Variants in ABL1 observed in about 807,000 individuals in gnomAD.
ABL1 encodes the protein ABL proto-oncogene 1, non-receptor tyrosine kinase, also known as tyrosine-protein kinase ABL1.
ABL1 carries 11 observed loss-of-function variants against 94.7 expected under a neutral mutation model. The ratio of observed to expected loss-of-function variants is 0.12; its 90% confidence interval spans 0.07 to 0.19. The LOEUF (loss-of-function observed/expected upper bound fraction) is 0.19, where lower values mean the gene tolerates loss of function less well. Ranked by LOEUF, ABL1 falls within the 10% of genes least tolerant of loss-of-function variation. The pLI is 1.00. For missense variants in ABL1, 1,082 were observed against 1,489.4 expected (o/e 0.73, Z 4.50); for synonymous variants, 656 against 622.4 (o/e 1.05, Z -0.80).
At position 130,835,861 on chromosome 9, in the gene ABL1, A is replaced by G. The variant is rs1284749565; in HGVS notation, c.79+336A>G. Among the ~76,000 whole-genome samples the G allele has an allele frequency of 6.6e-6, 1 of 152,136 alleles. No individual in the cohort carries two copies. The highest frequency in any genetic ancestry group is 1.9e-4 in the East Asian group (1 of 5,176). Reference sequence around the variant, plus strand: ...CCCGGTAGAGCCACGCCGGATGGTGACGGCGGCGTCCGGGGCCCCACAGTG... The same window carrying G: ...CCCGGTAGAGCCACGCCGGATGGTGGCGGCGGCGTCCGGGGCCCCACAGTG... On this transcript the variant is annotated intron_variant, in intron 1 of 10. Transcript: ENST00000318560. The surrounding 1 kb of genome is among the most constrained non-coding windows in gnomAD (Gnocchi z 4.6).
chr9:130,722,643 T>C (rs1014950582), intron 1 of ABL1, among the ~76,000 whole-genome samples: 1 of 152,148 alleles, frequency 6.6e-6, no homozygotes, highest in Non-Finnish European at 1.5e-5. Context: ...AGGTGAGCCA[T>C]TGCACCTGGC....
At chr9:130,764,975 A>G (rs1163133819) in intron 1 of ABL1, among the ~76,000 whole-genome samples, 1 of 151,602 alleles carries the variant, frequency 6.6e-6, no homozygotes, top group Non-Finnish European at 1.5e-5. Context: ...AAAAGAGGAT[A>G]CAAGGGATAC....
At chr9:130,878,661 C>CTTTGTGAATGAGCTCTGGA in intron 8 of ABL1, 94 bp downstream of exon 8, 3 of 1,456,956 alleles carry the variant, frequency 2.1e-6, no homozygotes, top group Non-Finnish European at 2.8e-6. Flanking sequence ...AAAGTTTTTC[C>CTTTGTGAATGAGCTCTGGA]ATGAGCTCTC....
rs756167748 is a variant in ABL1, at chr9:130,835,485, C to T, written c.39C>T (p.Ser13=). ...EICLKLVGCK[S]KKGLSSSSSC... is the part of the protein sequence containing the mutation. ...GCCTGAAGCTGGTGGGCTGCAAATC[C>T]AAGAAGGGGCTGTCCTCGTCCTCCA... Residue 13 remains serine (S), a synonymous_variant, in exon 1 of 11, where the codon TCC becomes TCT. Coordinates refer to ENST00000318560, the MANE Select transcript of ABL1 (RefSeq NM_005157.6). This position sits in a 1 kb window ranked among gnomAD's most constrained non-coding sequence, Gnocchi z 4.6. The T allele has an allele frequency of 1.2e-5, 18 of 1,564,522 alleles. No individual in the cohort carries two copies. The Admixed American group carries it at 2.9e-4, about 25-fold the overall frequency.
intron 1 of ABL1, among the ~76,000 whole-genome samples, chr9:130,758,621 C>T (rs548622580): frequency 4.0e-5 from 6 of 151,114 alleles, no homozygotes; most frequent in East Asian, 2.0e-4. Flanking sequence ...TTAGTAGAGA[C>T]GGGGTTTTGC....
At chr9:130,768,824 AC>A (rs1168558136) in intron 1 of ABL1, among the ~76,000 whole-genome samples, 2 of 152,318 alleles carry the variant, frequency 1.3e-5, no homozygotes, top group Non-Finnish European at 2.9e-5. Flanking sequence ...TTCATTGGGA[AC>A]AGCTACATAA....
intron 1 of ABL1, 106 bp from the exon 2 acceptor site, chr9:130,853,958 T>G: frequency 8.6e-7 from 1 of 1,158,970 alleles, no homozygotes; most frequent in Non-Finnish European, 1.2e-6. Flanking sequence ...AATAGGAATG[T>G]GTAATGTTGG....
chr9:130,792,010 A>G lies in ABL1; in HGVS notation c.137-62054A>G, dbSNP rs184598483. ...AGGAAGGTTTAAAATTTAAGACAAC[A>G]TTAAGTTGATCCAGAGAGATGCATT... On this transcript the variant is annotated intron_variant, in intron 1 of 10. Transcript: ENST00000372348. Among the ~76,000 whole-genome samples the G allele has an allele frequency of 8.3e-4, 126 of 152,336 alleles. 1 individual carries two copies. The highest frequency in any genetic ancestry group is 3.4e-3 in the Admixed American group (52 of 15,306).
chr9:130,805,426 C>T (rs1485624482), intron 1 of ABL1, among the ~76,000 whole-genome samples: 1 of 152,214 alleles, frequency 6.6e-6, no homozygotes, highest in Non-Finnish European at 1.5e-5. Flanking sequence ...AAACCTTCTA[C>T]AATCACAGGC....
Position 130,734,218 on chromosome 9 carries a change from CT to C in ABL1, c.136+19776del, listed in dbSNP as rs34635212. ...GATTTTTAATACTCTATTGAATATT[CT>C]TTTTTTTTTTTTGAGATGGAGTCTC... On this transcript the variant is annotated intron_variant, in intron 1 of 10. Coordinates refer to the ABL1 transcript ENST00000372348. 1.7e-3 allele frequency among the ~76,000 whole-genome samples: 238 copies of C among 143,856 alleles called. 1 individual carries two copies. The highest frequency in any genetic ancestry group is 4.1e-3 in the African/African-American group (158 of 38,702). The allele number at this position is 143,856 out of a possible 152,430, so 94.4% of individuals were successfully genotyped here. A position where few individuals can be genotyped will look rare whatever the true frequency, so the allele number is the denominator to read the frequency against.
chr9:130,738,730 G>A (rs1488457226), intron 1 of ABL1, among the ~76,000 whole-genome samples: 1 of 152,166 alleles, frequency 6.6e-6, no homozygotes, highest in Non-Finnish European at 1.5e-5. Flanking sequence ...TTTGTTATAT[G>A]TCATTTTGCT....
chr9:130,769,419 C>A (rs1302187066), intron 1 of ABL1, among the ~76,000 whole-genome samples: 1 of 149,558 alleles, frequency 6.7e-6, no homozygotes, highest in Non-Finnish European at 1.5e-5. Context: ...ACAGCCTCCA[C>A]CTCCCGGGTT....
chr9:130,792,308 G>A (rs1490187297), intron 1 of ABL1, among the ~76,000 whole-genome samples: 1 of 152,174 alleles, frequency 6.6e-6, no homozygotes, highest in East Asian at 1.9e-4. Context: ...TGCTCAACTA[G>A]AGGATTTTAC....
Position 130,872,742 on chromosome 9 carries a change from G to A in ABL1, c.908-118G>A, listed in dbSNP as rs1178729788. On this transcript the variant is annotated intron_variant, in intron 5 of 10. Coordinates refer to ENST00000318560, the MANE Select transcript of ABL1 (RefSeq NM_005157.6). The surrounding 1 kb of genome is among the most constrained non-coding windows in gnomAD (Gnocchi z 5.0). ...GCAGGTGCTTGGGACCATGTTGGAA[G>A]TTGGGCCCAGGACTGAGGAGCAGAG... 9.6e-7 allele frequency: 1 copy of A among 1,044,402 alleles called. No individual in the cohort carries two copies. 64.7% of individuals were successfully genotyped at this position (1,044,402 alleles called of 1,614,324 possible). A position where few individuals can be genotyped will look rare whatever the true frequency, so the allele number is the denominator to read the frequency against.
intron 1 of ABL1, among the ~76,000 whole-genome samples, chr9:130,737,984 C>T (rs1440991672): frequency 1.3e-5 from 2 of 151,938 alleles, no homozygotes; most frequent in African/African-American, 4.8e-5. Flanking sequence ...ATGTGCACCG[C>T]CACACCCAGC....
At position 130,748,283 on chromosome 9, in the gene ABL1, C is replaced by T. The variant is rs559215769; in HGVS notation, c.136+33828C>T. ...TGTCTTAAGCAGATCACGCCTTTGTCGTTATACAGTATGGTACAATAATCC... is the reference window on the plus strand; with the variant it reads ...TGTCTTAAGCAGATCACGCCTTTGTTGTTATACAGTATGGTACAATAATCC... On this transcript the variant is annotated intron_variant, in intron 1 of 10. Transcript: ENST00000372348. 3.3e-4 allele frequency among the ~76,000 whole-genome samples: 51 copies of T among 152,258 alleles called. No individual in the cohort carries two copies. In the South Asian group the frequency reaches 0.01, roughly 31 times the overall value.
At chr9:130,831,061 G>C (rs1198196020), upstream of ABL1, among the ~76,000 whole-genome samples, 1 of 152,218 alleles carries the variant, frequency 6.6e-6, no homozygotes, top group Non-Finnish European at 1.5e-5. Flanking sequence ...CAGAGCTAGA[G>C]TACCTGGCAG....
In ABL1 at chr9:130,747,724, C is replaced by T. The variant is rs544893848; in HGVS notation, c.136+33269C>T. Among the ~76,000 whole-genome samples the T allele has an allele frequency of 4.6e-5, 7 of 152,278 alleles. No homozygotes were observed. In the South Asian group the frequency reaches 1.4e-3, roughly 32 times the overall value. ...CACTGTACCCAGCCCCAGTCTTCCTCTTATAGGGACACTTGTGATTACATT... is the reference window on the plus strand; with the variant it reads ...CACTGTACCCAGCCCCAGTCTTCCTTTTATAGGGACACTTGTGATTACATT... On this transcript the variant is annotated intron_variant, in intron 1 of 10. Coordinates refer to the ABL1 transcript ENST00000372348.
chr9:130,717,779 C>G (rs558264153), intron 1 of ABL1, among the ~76,000 whole-genome samples: 1 of 145,398 alleles, frequency 6.9e-6, no homozygotes, highest in African/African-American at 2.6e-5. Context: ...TTTGGGAGGC[C>G]GAAGTGGGCA....
Sources: gnomAD v4.1 joint callset for allele counts (sites outside exome capture counted in the v4.1 genomes callset) on GRCh38, gnomAD v4.1.1 for gene constraint, Gnocchi (gnomAD v3.1) non-coding constraint, MANE v1.5 for transcripts, NCBI Gene and HGNC (gene_info 2026-07-23, HGNC 2026-07-21) for gene names.